TRIO: variants seen among roughly 807,000 people sequenced by gnomAD.
TRIO encodes the protein triple functional domain protein.
In TRIO, 58 loss-of-function variants were observed where a neutral mutation model predicts 351.9. The observed-to-expected ratio is 0.16, with a 90% CI of 0.13 to 0.21. TRIO has a LOEUF of 0.21. Ranked by LOEUF, TRIO falls within the 10% of genes least tolerant of loss-of-function variation. The pLI, the probability that TRIO is intolerant of heterozygous loss-of-function variation, is 1.00. For synonymous variants in TRIO, 1,758 were observed against 1,595.7 expected, an observed-to-expected ratio of 1.10 and a Z score of -2.42; for missense variants, 3,201 against 4,027.8, an observed-to-expected ratio of 0.79 and a Z score of 5.56.
At chr5:14,468,339 A>C (rs26185) in intron 37 of TRIO, among the ~76,000 whole-genome samples, 147,941 of 152,358 alleles carry the variant, frequency 0.97, 71,852 homozygotes, top group East Asian at 1. Flanking sequence ...TCACAGTCTC[A>C]TTACGGTGAG....
At chr5:14,215,826 A>G (rs752976584) in intron 1 of TRIO, among the ~76,000 whole-genome samples, 1 of 152,234 alleles carries the variant, frequency 6.6e-6, no homozygotes, top group Non-Finnish European at 1.5e-5. Flanking sequence ...TAAATAGACA[A>G]CTGAATTTTG....
intron 1 of TRIO, among the ~76,000 whole-genome samples, chr5:14,190,251 A>G (rs990562813): frequency 6.6e-6 from 1 of 152,086 alleles, no homozygotes; most frequent in Admixed American, 6.6e-5. Flanking sequence ...GGTGGACTAC[A>G]GGGGCAGGCA....
At chr5:14,371,941 C>CTA (rs1219799595) in intron 18 of TRIO, among the ~76,000 whole-genome samples, 1 of 152,166 alleles carries the variant, frequency 6.6e-6, no homozygotes, top group Non-Finnish European at 1.5e-5. Context: ...CACACCTGGC[C>CTA]TATAAATGTC....
At chr5:14,209,548 T>C (rs543352926) in intron 1 of TRIO, among the ~76,000 whole-genome samples, 1 of 152,298 alleles carries the variant, frequency 6.6e-6, no homozygotes, top group East Asian at 1.9e-4. Flanking sequence ...CATGCTTGTA[T>C]CGTACTGGGT....
rs185392968 is a variant in TRIO at position 14,387,420 on chromosome 5, T to C, written c.3571-18T>C. 6 of 1,591,788 alleles carry C rather than the reference T, an allele frequency of 3.8e-6. No homozygotes were observed. The highest frequency in any genetic ancestry group is 2.2e-5 in the East Asian group (1 of 44,616). Reference sequence around the variant, plus strand: ...CGGATTCATTTGCCTCACAATACTTTCCTGTTGTTTTTTGCAGCAAACCAA... The same window carrying C: ...CGGATTCATTTGCCTCACAATACTTCCCTGTTGTTTTTTGCAGCAAACCAA... On this transcript the variant is annotated intron_variant, in intron 21 of 56. Coordinates refer to ENST00000344204, the MANE Select transcript of TRIO (RefSeq NM_007118.4).
chr5:14,466,625 G>A (rs572751650), intron 37 of TRIO, among the ~76,000 whole-genome samples: 34 of 152,172 alleles, frequency 2.2e-4, no homozygotes, highest in Admixed American at 6.5e-4. Flanking sequence ...TAAAGACAAC[G>A]TCTTTTAAAA....
At chr5:14,349,296 A>G (rs1042406843) in intron 11 of TRIO, among the ~76,000 whole-genome samples, 5 of 135,894 alleles carry the variant, frequency 3.7e-5, no homozygotes, top group African/African-American at 5.4e-5. Flanking sequence ...GCACGTGAGC[A>G]TGTGTTTTTC....
chr5:14,220,049 CTTTTT>C (rs35237881), intron 1 of TRIO, among the ~76,000 whole-genome samples: 1 of 94,788 alleles, frequency 1.1e-5, no homozygotes, highest in East Asian at 3.4e-4. Flanking sequence ...TCTTCTTCTT[CTTTTT>C]TTTTTTTTTT....
At chr5:14,417,050 G>C (rs938223845) in intron 33 of TRIO, among the ~76,000 whole-genome samples, 1 of 152,244 alleles carries the variant, frequency 6.6e-6, no homozygotes, top group Non-Finnish European at 1.5e-5. Flanking sequence ...CCGGTCCTGT[G>C]TTCCCGGAAC....
intron 1 of TRIO, among the ~76,000 whole-genome samples, chr5:14,239,856 A>G (rs1426097294): frequency 6.6e-6 from 1 of 152,208 alleles, no homozygotes; most frequent in Non-Finnish European, 1.5e-5. Flanking sequence ...ATCACTAGGA[A>G]AGGCTTCATG....
chr5:14,347,573 T>C (rs1742537848), intron 11 of TRIO, among the ~76,000 whole-genome samples: 1 of 152,244 alleles, frequency 6.6e-6, no homozygotes, highest in Non-Finnish European at 1.5e-5. Flanking sequence ...TACTTTGCTG[T>C]GTTAAGCGCT....
At chr5:14,474,224 G>A in intron 40 of TRIO, 127 bp downstream of exon 40, 1 of 795,474 alleles carries the variant, frequency 1.3e-6, no homozygotes, top group Non-Finnish European at 2.0e-6. Context: ...GAGGGAGCTG[G>A]TGCAAAGGAG....
intron 1 of TRIO, among the ~76,000 whole-genome samples, chr5:14,239,918 T>C (rs1448068982): frequency 6.6e-6 from 1 of 152,178 alleles, no homozygotes; most frequent in African/African-American, 2.4e-5. Context: ...GGAACTGCCA[T>C]GGGAGGAGGA....
At chr5:14,463,431 T>C (rs1753980748) in intron 36 of TRIO, among the ~76,000 whole-genome samples, 1 of 152,206 alleles carries the variant, frequency 6.6e-6, no homozygotes, top group African/African-American at 2.4e-5. Context: ...AGTGCAGGCA[T>C]AGTTGTCAAA....
At chr5:14,298,191 CT>C (rs1477190833) in intron 7 of TRIO, among the ~76,000 whole-genome samples, 1 of 152,184 alleles carries the variant, frequency 6.6e-6, no homozygotes. Context: ...GTCAAAATTT[CT>C]AGTTTAAGAA....
At chr5:14,396,044 T>TAAA (rs557922366) in intron 28 of TRIO, among the ~76,000 whole-genome samples, 7,787 of 64,322 alleles carry the variant, frequency 0.12, 579 homozygotes, top group African/African-American at 0.23. Flanking sequence ...AGACTCCGCC[T>TAAA]AAAAAAAAAA....
chr5:14,446,572 G>C (rs185871688), intron 34 of TRIO, among the ~76,000 whole-genome samples: 46 of 152,270 alleles, frequency 3.0e-4, no homozygotes, highest in Middle Eastern at 3.4e-3. Flanking sequence ...GTAATGCTTT[G>C]TGTGCTTGGG....
At chr5:14,307,952 C>A (rs900462085) in intron 8 of TRIO, among the ~76,000 whole-genome samples, 3 of 152,074 alleles carry the variant, frequency 2.0e-5, no homozygotes, top group African/African-American at 7.2e-5. Flanking sequence ...CTTTTGATTC[C>A]TAAATTGTTC....
At chr5:14,422,383 T>C (rs1209370694) in intron 34 of TRIO, among the ~76,000 whole-genome samples, 3 of 152,258 alleles carry the variant, frequency 2.0e-5, no homozygotes, top group African/African-American at 7.2e-5. Flanking sequence ...CTAGTGTCTC[T>C]ACATTTTCAC....
Sources: gnomAD v4.1 joint callset for allele counts (sites outside exome capture counted in the v4.1 genomes callset) on GRCh38, gnomAD v4.1.1 for gene constraint, MANE v1.5 for transcripts, NCBI Gene and HGNC (gene_info 2026-07-23, HGNC 2026-07-21) for gene names.